The following GNG2 variants were observed in gnomAD, a reference collection of about 807,000 sequenced individuals.
GNG2 encodes the protein G protein subunit gamma 2, also known as guanine nucleotide-binding protein G(I)/G(S)/G(O) subunit gamma-2.
A neutral mutation model predicts 5.5 loss-of-function variants in GNG2; 5 were observed. The ratio of observed to expected loss-of-function variants is 0.91; its 90% CI spans 0.48 to 1.92. The LOEUF (loss-of-function observed/expected upper bound fraction) is 1.92, where lower values mean the gene tolerates loss of function less well. Among genes scored for constraint, GNG2 ranks in the 30% most tolerant of loss-of-function variants. The pLI, the probability that GNG2 is intolerant of heterozygous loss-of-function variation, is 0.01. For synonymous variants in GNG2, 28 were observed against 32.0 expected, an observed-to-expected ratio of 0.88 and a Z score of 0.42; for missense variants, 55 against 88.4, an observed-to-expected ratio of 0.62 and a Z score of 1.52.
intron 2 of GNG2, among the ~76,000 whole-genome samples, chr14:51,938,404 G>C (rs1288800075): frequency 6.6e-6 from 1 of 152,136 alleles, no homozygotes; most frequent in Admixed American, 6.5e-5. Flanking sequence ...AACAGTGGTG[G>C]TCATTGTTTT....
chr14:51,871,233 A>G (rs889947067), intron 1 of GNG2, among the ~76,000 whole-genome samples: 1 of 151,554 alleles, frequency 6.6e-6, no homozygotes, highest in African/African-American at 2.4e-5. Context: ...TTTCATTGAC[A>G]TTTTTATTTT....
rs2140302772 is a variant in GNG2, at chr14:51,961,200, A to G, written c.88-5359A>G. On this transcript the variant is annotated intron_variant, in intron 3 of 3. Coordinates refer to ENST00000556766, the MANE Select transcript of GNG2 (RefSeq NM_053064.5). ...ATATATTCTGCCCAGTTTTTAATTT[A>G]AGGCAGGAGAGTTTAGTTGGCCCTT... is the stretch of plus-strand genomic sequence containing the variant. Among the ~76,000 whole-genome samples, 2 of 152,338 alleles carry G rather than the reference A, an allele frequency of 1.3e-5. 1 individual carries two copies. Among genetic ancestry groups the G allele is most frequent in the Middle Eastern group, 6.8e-3 (2 of 294 alleles).
intron 2 of GNG2, among the ~76,000 whole-genome samples, chr14:51,934,722 C>A (rs189016782): frequency 1.6e-3 from 242 of 152,274 alleles, no homozygotes; most frequent in Non-Finnish European, 2.9e-3. Context: ...CCGGTCAGTT[C>A]ATTAAGCATC....
At position 51,827,757 on chromosome 14, in the gene GNG2, T is replaced by A; in HGVS notation, c.14T>A (p.Leu5Ter). 1.4e-6 allele frequency: 1 copy of A among 701,420 alleles called. No individual in the cohort carries two copies. The highest frequency in any genetic ancestry group is 2.6e-6 in the Non-Finnish European group (1 of 384,522). The allele number at this position is 701,420 out of a possible 1,614,324, so 43.4% of individuals were successfully genotyped here. The change falls in exon 2 of 4, where the codon TTG becomes TAG. Residue 5 changes from leucine to a stop codon, truncating the protein, a stop_gained. Coordinates refer to the GNG2 transcript ENST00000553432. LOFTEE classifies it high-confidence loss of function. ...TGGTCTAGGGGCATGCAGGGGAAAT[T>A]GCAACCTCCAATGGAAAGAGAAGCA...
At chr14:51,934,780 T>C (rs2140251454) in intron 2 of GNG2, among the ~76,000 whole-genome samples, 1 of 152,276 alleles carries the variant, frequency 6.6e-6, no homozygotes, top group East Asian at 1.9e-4. Context: ...CCTTCACATT[T>C]TCATCACAAG....
At chr14:51,837,065 G>T (rs113650136) in intron 2 of GNG2, among the ~76,000 whole-genome samples, 33,441 of 151,502 alleles carry the variant, frequency 0.22, 4,115 homozygotes, top group African/African-American at 0.31. Context: ...CACCATGTTG[G>T]CCAGGCTGGT....
intron 2 of GNG2, among the ~76,000 whole-genome samples, chr14:51,929,484 C>T (rs779956442): frequency 3.9e-5 from 6 of 152,202 alleles, no homozygotes; most frequent in African/African-American, 9.7e-5. Flanking sequence ...AACCCTCTAG[C>T]AGCTCCAGCA....
Position 51,966,481 on chromosome 14 carries a change from G to A in GNG2, c.88-78G>A, listed in dbSNP as rs1325600523. On this transcript the variant is annotated intron_variant, in intron 3 of 3. Transcript: ENST00000556766. ...TCATGGAGCAAGGATTTGATGCCAG[G>A]ACATTGGGCTCTAAAGCCTTGGGCC... is the stretch of plus-strand genomic sequence containing the variant. 2.4e-6 allele frequency: 3 copies of A among 1,235,330 alleles called. No homozygotes were observed. The East Asian group carries it at 7.0e-5, about 29-fold the overall frequency. 76.5% of individuals were successfully genotyped at this position (1,235,330 alleles called of 1,614,324 possible).
intron 2 of GNG2, among the ~76,000 whole-genome samples, chr14:51,942,589 C>CTTTCTTTCTTTCTTTTT (rs761049973): frequency 3.3e-4 from 27 of 81,106 alleles, no homozygotes; most frequent in African/African-American, 5.9e-4. Context: ...TTCTTTCTTT[C>CTTTCTTTCTTTCTTTTT]TTTTTTTTTT....
chr14:51,853,612 AC>A (rs145388908), intron 2 of GNG2, among the ~76,000 whole-genome samples: 2,326 of 152,334 alleles, frequency 0.015, 27 homozygotes, highest in African/African-American at 0.049. Context: ...TGTCTGGTCT[AC>A]ATTTTTGGCA....
chr14:51,962,347 T>G (rs765721662), intron 3 of GNG2, among the ~76,000 whole-genome samples: 5 of 152,168 alleles, frequency 3.3e-5, no homozygotes, highest in Non-Finnish European at 7.3e-5. Flanking sequence ...GTGTCTGCAA[T>G]GAATATAATG....
intron 2 of GNG2, among the ~76,000 whole-genome samples, chr14:51,917,861 A>C (rs1886741938): frequency 6.6e-6 from 1 of 152,094 alleles, no homozygotes; most frequent in African/African-American, 2.4e-5. Context: ...TCCTGTCTCT[A>C]CTAAAAACAC....
At chr14:51,943,325 A>G (rs1888456418) in intron 2 of GNG2, among the ~76,000 whole-genome samples, 1 of 152,154 alleles carries the variant, frequency 6.6e-6, no homozygotes, top group South Asian at 2.1e-4. Context: ...TTCTCAGCAT[A>G]TTTGTTTTAA....
intron 2 of GNG2, among the ~76,000 whole-genome samples, chr14:51,899,366 A>G (rs1339195020): frequency 6.6e-6 from 1 of 152,236 alleles, no homozygotes; most frequent in East Asian, 1.9e-4. Context: ...TGAAGTAATA[A>G]TAGTTCCGAC....
chr14:51,843,929 C>T (rs979920006), intron 2 of GNG2, among the ~76,000 whole-genome samples: 4 of 152,196 alleles, frequency 2.6e-5, no homozygotes, highest in African/African-American at 9.7e-5. Context: ...GCCTGCAAGG[C>T]CCCCTTTCTC....
chr14:51,874,423 T>TC (rs1883515369), intron 1 of GNG2, among the ~76,000 whole-genome samples: 1 of 68,626 alleles, frequency 1.5e-5, no homozygotes, highest in Non-Finnish European at 3.0e-5. Context: ...AGACTCTGTC[T>TC]CAAAAAAAAA....
intron 2 of GNG2, among the ~76,000 whole-genome samples, chr14:51,923,497 A>G (rs976573942): frequency 1.3e-5 from 2 of 151,576 alleles, no homozygotes; most frequent in African/African-American, 4.9e-5. Context: ...AAATATATGT[A>G]TGTGTGTGTG....
chr14:51,892,258 T>C (rs1349408544), intron 2 of GNG2, among the ~76,000 whole-genome samples: 2 of 152,192 alleles, frequency 1.3e-5, no homozygotes, highest in South Asian at 2.1e-4. Flanking sequence ...TATGTAGATA[T>C]ATGTTTTCAA....
intron 2 of GNG2, chr14:51,939,772 G>C (rs1213576421): frequency 7.9e-6 from 1 of 126,316 alleles, no homozygotes; most frequent in Non-Finnish European, 1.5e-5. Context: ...CTCTCCCTGT[G>C]CCATACAGGT....
Sources: gnomAD v4.1 joint callset for allele counts (sites outside exome capture counted in the v4.1 genomes callset) on GRCh38, gnomAD v4.1.1 for gene constraint, MANE v1.5 for transcripts, NCBI Gene and HGNC (gene_info 2026-07-23, HGNC 2026-07-21) for gene names.